Variants in PPP2R2B observed in about 807,000 individuals in gnomAD.
PPP2R2B encodes serine/threonine-protein phosphatase 2A 55 kDa regulatory subunit B beta isoform.
In PPP2R2B, 5 loss-of-function variants were observed where a neutral mutation model predicts 46.0. That is an observed-to-expected ratio of 0.11 (90% CI 0.06 to 0.23). The LOEUF (loss-of-function observed/expected upper bound fraction) is 0.23. PPP2R2B is among the 10% of genes least tolerant of loss of function. The pLI is 1.00. For missense variants in PPP2R2B, 367 were observed against 575.0 expected, an observed-to-expected ratio of 0.64 and a Z score of 3.70; for synonymous variants, 215 against 206.7, an observed-to-expected ratio of 1.04 and a Z score of -0.34.
chr5:146,606,052 A>C (rs771518565), intron 7 of PPP2R2B, among the ~76,000 whole-genome samples: 1 of 152,236 alleles, frequency 6.6e-6, no homozygotes, highest in South Asian at 2.1e-4. Flanking sequence ...GTTATTCAAG[A>C]ATTCAAAAAT....
intron 2 of PPP2R2B, among the ~76,000 whole-genome samples, chr5:146,860,622 A>G (rs1192751640): frequency 1.3e-5 from 2 of 152,320 alleles, no homozygotes; most frequent in East Asian, 1.9e-4. Flanking sequence ...TCCACTGACT[A>G]AACATTTTAA....
intron 1 of PPP2R2B, chr5:147,054,690 G>C: frequency 2.2e-6 from 1 of 456,192 alleles, no homozygotes; most frequent in Middle Eastern, 3.3e-4. Context: ...TGGGTTTTCA[G>C]AACAGGCTGG....
At chr5:146,649,356 T>C (rs1418202690) in intron 6 of PPP2R2B, among the ~76,000 whole-genome samples, 1 of 152,146 alleles carries the variant, frequency 6.6e-6, no homozygotes, top group African/African-American at 2.4e-5. Context: ...GACCAATTTT[T>C]ACTATGAAAT....
At chr5:146,776,152 T>C (rs1307980474) in intron 2 of PPP2R2B, among the ~76,000 whole-genome samples, 1 of 152,074 alleles carries the variant, frequency 6.6e-6, no homozygotes, top group African/African-American at 2.4e-5. Context: ...GATTCTAAAA[T>C]TCATATGGAA....
At chr5:146,891,407 GA>G (rs890627610) in intron 1 of PPP2R2B, among the ~76,000 whole-genome samples, 1 of 152,210 alleles carries the variant, frequency 6.6e-6, no homozygotes, top group Non-Finnish European at 1.5e-5. Flanking sequence ...TCATTTTTGT[GA>G]ACACTGTCAT....
chr5:147,063,227 G>A (rs930517026), intron 2 of PPP2R2B, among the ~76,000 whole-genome samples: 2 of 152,128 alleles, frequency 1.3e-5, no homozygotes, highest in Non-Finnish European at 2.9e-5. Context: ...ACTTCCTGGA[G>A]GTGGTAGCAT....
chr5:146,644,612 C>T (rs1392836728), intron 6 of PPP2R2B, among the ~76,000 whole-genome samples: 1 of 152,148 alleles, frequency 6.6e-6, no homozygotes, highest in Non-Finnish European at 1.5e-5. Context: ...GTGATTGTAA[C>T]AAAATGGGGA....
At chr5:146,895,998 A>G (rs571296948) in intron 1 of PPP2R2B, among the ~76,000 whole-genome samples, 2 of 152,250 alleles carry the variant, frequency 1.3e-5, no homozygotes, top group South Asian at 2.1e-4. Context: ...CTGTTTGACA[A>G]TTCATCGGGC....
rs1770020608 is a variant in PPP2R2B at position 146,584,075 on chromosome 5, C to T, written c.*5872G>A. ...AGTGGGCACTGTTCACCCAGGAAAA[C>T]CCAGGTTGACTTTTTGGGGAATGAG... On this transcript the variant is annotated 3_prime_UTR_variant, in exon 10 of 10. Transcript: ENST00000394411. 1 of 152,360 alleles carries T rather than the reference C, an allele frequency of 6.6e-6. No homozygotes were observed. Among genetic ancestry groups the T allele is most frequent in the African/African-American group, 2.4e-5 (1 of 41,440 alleles). 9.4% of individuals were successfully genotyped at this position (152,360 alleles called of 1,614,324 possible). A position where few individuals can be genotyped will look rare whatever the true frequency, so the allele number is the denominator to read the frequency against.
intron 1 of PPP2R2B, among the ~76,000 whole-genome samples, chr5:146,884,564 C>T (rs529758638): frequency 2.0e-5 from 3 of 152,104 alleles, no homozygotes; most frequent in African/African-American, 4.8e-5. Flanking sequence ...ATCTACTGTG[C>T]GTGATTTCAC....
intron 2 of PPP2R2B, among the ~76,000 whole-genome samples, chr5:146,765,260 T>C (rs1754409858): frequency 6.6e-6 from 1 of 152,230 alleles, no homozygotes; most frequent in Non-Finnish European, 1.5e-5. Flanking sequence ...TCACATCCCT[T>C]AGCTAGACTG....
rs73310633 is a variant in PPP2R2B at position 147,069,281 on chromosome 5, A to G, written c.50+11778T>C. ...CTACGTCAGAAGCGAAAACAAAACAAAAAGAGTTGAGTTTAGAGGTGAGGT... is the reference window on the plus strand; with the variant it reads ...CTACGTCAGAAGCGAAAACAAAACAGAAAGAGTTGAGTTTAGAGGTGAGGT... On this transcript the variant is annotated intron_variant, in intron 2 of 10. Coordinates refer to the PPP2R2B transcript ENST00000394413. Among the ~76,000 whole-genome samples the G allele has an allele frequency of 6.2e-3, 946 of 152,306 alleles. 8 individuals carry two copies. The highest frequency in any genetic ancestry group is 0.022 in the African/African-American group (902 of 41,570).
chr5:147,063,056 G>A (rs975583033), intron 2 of PPP2R2B, among the ~76,000 whole-genome samples: 27 of 149,042 alleles, frequency 1.8e-4, no homozygotes, highest in Admixed American at 1.8e-3. Context: ...AGAAGGGAAG[G>A]GAAGAGAAGA....
chr5:146,606,668 C>T (rs891435066), intron 7 of PPP2R2B, among the ~76,000 whole-genome samples: 20 of 152,086 alleles, frequency 1.3e-4, no homozygotes, highest in African/African-American at 4.3e-4. Flanking sequence ...AGTGTTTTTC[C>T]GTTTGAGGCA....
chr5:146,688,942 G>T (rs781554972), intron 5 of PPP2R2B, among the ~76,000 whole-genome samples: 4 of 152,112 alleles, frequency 2.6e-5, no homozygotes, highest in Non-Finnish European at 5.9e-5. Context: ...GTCTCGAGGG[G>T]CAAAAGACAG....
intron 2 of PPP2R2B, among the ~76,000 whole-genome samples, chr5:146,811,620 G>T (rs1407833904): frequency 6.9e-6 from 1 of 145,012 alleles, no homozygotes; most frequent in African/African-American, 2.6e-5. Context: ...GAGTGCAGTG[G>T]CGCGATCTCG....
At chr5:146,590,838 G>T (rs914829780) in intron 9 of PPP2R2B, among the ~76,000 whole-genome samples, 7 of 151,560 alleles carry the variant, frequency 4.6e-5, no homozygotes, top group African/African-American at 1.7e-4. Context: ...TGTCATCATG[G>T]TCTTATCTAG....
chr5:147,055,706 C>G (rs1157429914), exon 1 of PPP2R2B: 25 of 1,613,258 alleles, frequency 1.5e-5, no homozygotes, highest in Non-Finnish European at 2.1e-5. Flanking sequence ...GTTCGGAGGT[C>G]TGAAGATGTA....
upstream of PPP2R2B, among the ~76,000 whole-genome samples, chr5:147,059,404 T>C (rs1757191641): frequency 6.6e-6 from 1 of 152,180 alleles, no homozygotes; most frequent in Non-Finnish European, 1.5e-5. Context: ...AGTCATTAAC[T>C]CTGTAAGTGG....
Sources: gnomAD v4.1 joint callset for allele counts (sites outside exome capture counted in the v4.1 genomes callset) on GRCh38, gnomAD v4.1.1 for gene constraint, MANE v1.5 for transcripts, NCBI Gene and HGNC (gene_info 2026-07-23, HGNC 2026-07-21) for gene names.